GAS7: variants seen among roughly 807,000 people sequenced by gnomAD.
GAS7 encodes the protein growth arrest-specific protein 7.
Under a neutral mutation model 71.1 loss-of-function variants are expected in GAS7, and 28 were observed. The observed-to-expected ratio is 0.39, with a 90% CI of 0.29 to 0.54. The LOEUF (loss-of-function observed/expected upper bound fraction) is 0.54, where lower values mean the gene tolerates loss of function less well. GAS7 is among the 20% of genes least tolerant of loss of function. GAS7 has a pLI of 0.62. For missense variants in GAS7, 436 were observed against 627.8 expected (o/e 0.69, Z 3.27); for synonymous variants, 258 against 245.8 (o/e 1.05, Z -0.46).
intron 1 of GAS7, among the ~76,000 whole-genome samples, chr17:10,183,346 G>A (rs1013614444): frequency 1.3e-5 from 2 of 152,016 alleles, no homozygotes; most frequent in African/African-American, 4.8e-5. Context: ...CCTTGGAAAA[G>A]GGTCCCCCTA....
At chr17:10,049,684 G>A (rs569135534) in intron 1 of GAS7, among the ~76,000 whole-genome samples, 3 of 128,368 alleles carry the variant, frequency 2.3e-5, no homozygotes, top group African/African-American at 3.1e-5. Flanking sequence ...GCAGTGGCGC[G>A]ATCTTGGCTC....
chr17:10,196,494 G>T (rs539989319), intron 1 of GAS7, among the ~76,000 whole-genome samples: 16 of 152,292 alleles, frequency 1.1e-4, no homozygotes, highest in African/African-American at 3.9e-4. Flanking sequence ...TCTTACCTTT[G>T]TATATGCCAG....
At chr17:9,927,331 A>G (rs2068044528) in intron 9 of GAS7, among the ~76,000 whole-genome samples, 1 of 150,474 alleles carries the variant, frequency 6.6e-6, no homozygotes, top group Non-Finnish European at 1.5e-5. Flanking sequence ...ACACACACAC[A>G]CACAAATTAG....
intron 5 of GAS7, among the ~76,000 whole-genome samples, chr17:9,958,389 C>T (rs190208295): frequency 6.6e-6 from 1 of 152,356 alleles, no homozygotes; most frequent in East Asian, 1.9e-4. Context: ...GGATGTGCAG[C>T]CTGGACGAAG....
At chr17:10,090,537 C>T (rs994802590) in intron 1 of GAS7, among the ~76,000 whole-genome samples, 4 of 136,192 alleles carry the variant, frequency 2.9e-5, no homozygotes, top group South Asian at 2.2e-4. Flanking sequence ...CAAATCTAAA[C>T]GGCTCTTTAA....
intron 1 of GAS7, among the ~76,000 whole-genome samples, chr17:10,108,523 T>C (rs955363337): frequency 6.6e-6 from 1 of 152,242 alleles, no homozygotes; most frequent in Admixed American, 6.5e-5. Flanking sequence ...GAGCATCATA[T>C]AGTCCTGAAA....
rs1196430791 is a variant in GAS7 at position 9,914,150 on chromosome 17, T to C, written c.*3078A>G. On this transcript the variant is annotated 3_prime_UTR_variant, in exon 14 of 14. Transcript: ENST00000432992. ...GATAGGGGTTCTGGACTGTTGACTCTAGCCCTGGTCTTAATTCACTGGCAA... is the reference window on the plus strand; with the variant it reads ...GATAGGGGTTCTGGACTGTTGACTCCAGCCCTGGTCTTAATTCACTGGCAA... 1 of 224,884 alleles carries C rather than the reference T, an allele frequency of 4.4e-6. No homozygotes were observed. Among genetic ancestry groups the C allele is most frequent in the East Asian group, 6.4e-5 (1 of 15,640 alleles). The allele number at this position is 224,884 out of a possible 1,614,324, so 13.9% of individuals were successfully genotyped here. A position where few individuals can be genotyped will look rare whatever the true frequency, so the allele number is the denominator to read the frequency against.
At chr17:10,066,654 A>C (rs1013644824) in intron 1 of GAS7, among the ~76,000 whole-genome samples, 3 of 152,190 alleles carry the variant, frequency 2.0e-5, no homozygotes, top group Admixed American at 6.5e-5. Flanking sequence ...CAATTTTTTT[A>C]AAAACAGTTA....
intron 2 of GAS7, among the ~76,000 whole-genome samples, chr17:10,000,250 G>A (rs2071218519): frequency 6.6e-6 from 1 of 152,184 alleles, no homozygotes; most frequent in South Asian, 2.1e-4. Context: ...CTGAGAAATT[G>A]CACATCTAAC....
chr17:10,015,473 A>G (rs887724148), intron 2 of GAS7, among the ~76,000 whole-genome samples: 9 of 152,356 alleles, frequency 5.9e-5, no homozygotes, highest in African/African-American at 1.9e-4. Flanking sequence ...GGGGCCAGGC[A>G]GAAAGGCAGA....
intron 1 of GAS7, among the ~76,000 whole-genome samples, 183 bp downstream of exon 1, chr17:10,198,025 A>AG (rs1419834458): frequency 6.6e-6 from 1 of 151,408 alleles, no homozygotes; most frequent in African/African-American, 2.4e-5. Context: ...CCACGCCCCG[A>AG]GGGGCGCCCG....
intron 1 of GAS7, among the ~76,000 whole-genome samples, chr17:10,102,230 A>T (rs1402534007): frequency 8.3e-6 from 1 of 120,632 alleles, no homozygotes; most frequent in South Asian, 2.8e-4. Context: ...AAAAAAAAAA[A>T]AGAATCTTCC....
At chr17:10,176,732 C>T (rs746688030) in intron 1 of GAS7, among the ~76,000 whole-genome samples, 8 of 152,170 alleles carry the variant, frequency 5.3e-5, no homozygotes, top group Non-Finnish European at 1.2e-4. Flanking sequence ...CTTTCACTTG[C>T]CAATCCTGGG....
intron 1 of GAS7, among the ~76,000 whole-genome samples, chr17:10,178,934 G>A (rs1349512133): frequency 1.3e-5 from 2 of 151,784 alleles, no homozygotes; most frequent in Non-Finnish European, 2.9e-5. Flanking sequence ...CGATTATACG[G>A]CCAGGACAGA....
chr17:10,175,892 G>A (rs1365413629), intron 1 of GAS7, among the ~76,000 whole-genome samples: 1 of 152,200 alleles, frequency 6.6e-6, no homozygotes, highest in African/African-American at 2.4e-5. Flanking sequence ...CGAGTGGGGA[G>A]TGGGTCCAAA....
chr17:10,049,355 T>A (rs2073028586), intron 1 of GAS7, among the ~76,000 whole-genome samples: 1 of 152,172 alleles, frequency 6.6e-6, no homozygotes, highest in Non-Finnish European at 1.5e-5. Context: ...CCTCTTTATA[T>A]CATCCTCCCT....
At chr17:10,172,345 A>G (rs2074341497) in intron 1 of GAS7, among the ~76,000 whole-genome samples, 1 of 152,208 alleles carries the variant, frequency 6.6e-6, no homozygotes, top group African/African-American at 2.4e-5. Context: ...GCCCTGCCCA[A>G]GGATTCCCCA....
At chr17:10,180,960 T>C (rs2074409317) in intron 1 of GAS7, among the ~76,000 whole-genome samples, 1 of 150,622 alleles carries the variant, frequency 6.6e-6, no homozygotes, top group African/African-American at 2.4e-5. Context: ...ATCCTTGAGC[T>C]CAAGGATTCC....
chr17:10,059,437 T>C (rs1291543436), intron 1 of GAS7, among the ~76,000 whole-genome samples: 4 of 152,142 alleles, frequency 2.6e-5, no homozygotes, highest in Non-Finnish European at 4.4e-5. Flanking sequence ...CCCAAGTGGC[T>C]TTCTCTTCTT....
Sources: allele counts gnomAD v4.1 joint callset (sites outside exome capture counted in the v4.1 genomes callset), GRCh38; gene constraint gnomAD v4.1.1; transcripts MANE v1.5; gene names NCBI Gene and HGNC (gene_info 2026-07-23, HGNC 2026-07-21).